Variants in KIAA1328 observed in about 807,000 individuals in gnomAD.
The protein encoded by KIAA1328 is protein hinderin.
A neutral mutation model predicts 68.1 loss-of-function variants in KIAA1328; 52 were observed. The ratio of observed to expected loss-of-function variants is 0.76; its 90% CI spans 0.61 to 0.96. KIAA1328 has a LOEUF of 0.96. Ranked by LOEUF, KIAA1328 falls within the 40% of genes least tolerant of loss-of-function variation. The pLI is 0.00. For synonymous variants in KIAA1328, 232 were observed against 239.4 expected (o/e 0.97, Z 0.28); for missense variants, 641 against 677.6 (o/e 0.95, Z 0.60).
intron 7 of KIAA1328, among the ~76,000 whole-genome samples, chr18:37,080,154 A>G (rs2056901111): frequency 6.6e-6 from 1 of 152,154 alleles, no homozygotes; most frequent in African/African-American, 2.4e-5. Context: ...AAAAATGTAT[A>G]CCATCTGGAA....
intron 6 of KIAA1328, among the ~76,000 whole-genome samples, chr18:36,993,402 G>A (rs2053267110): frequency 1.3e-5 from 2 of 152,136 alleles, no homozygotes; most frequent in African/African-American, 4.8e-5. Flanking sequence ...AACAAAGCAT[G>A]GAAGATCCAA....
At chr18:36,898,884 C>G (rs2048946687) in intron 5 of KIAA1328, among the ~76,000 whole-genome samples, 1 of 151,902 alleles carries the variant, frequency 6.6e-6, no homozygotes, top group African/African-American at 2.4e-5. Context: ...CTTATTAATT[C>G]TAATAGTTGC....
intron 6 of KIAA1328, among the ~76,000 whole-genome samples, chr18:36,969,607 A>G (rs2151311626): frequency 6.6e-6 from 1 of 152,322 alleles, no homozygotes; most frequent in Middle Eastern, 3.4e-3. Context: ...GAATCTCTAC[A>G]CATACCAATA....
At chr18:36,889,440 G>A (rs778286886) in intron 5 of KIAA1328, among the ~76,000 whole-genome samples, 20 of 152,086 alleles carry the variant, frequency 1.3e-4, no homozygotes, top group African/African-American at 1.9e-4. Flanking sequence ...AATGGTGAGC[G>A]GTGGTAAAAA....
At chr18:37,191,826 A>T (rs1291107606) in intron 9 of KIAA1328, among the ~76,000 whole-genome samples, 1 of 152,132 alleles carries the variant, frequency 6.6e-6, no homozygotes, top group African/African-American at 2.4e-5. Context: ...TCTGGGAGCC[A>T]TCTATACTTA....
At chr18:36,841,513 T>A (rs556861006) in intron 3 of KIAA1328, among the ~76,000 whole-genome samples, 1 of 152,036 alleles carries the variant, frequency 6.6e-6, no homozygotes, top group Non-Finnish European at 1.5e-5. Context: ...ATGTGGCCTT[T>A]CCTCATCATG....
At chr18:37,061,979 A>G (rs1484812413) in intron 6 of KIAA1328, among the ~76,000 whole-genome samples, 1 of 152,226 alleles carries the variant, frequency 6.6e-6, no homozygotes, top group Non-Finnish European at 1.5e-5. Flanking sequence ...CATACTAATA[A>G]TAATAATGGG....
chr18:37,173,457 A>G (rs957081789), intron 9 of KIAA1328, among the ~76,000 whole-genome samples: 7 of 152,352 alleles, frequency 4.6e-5, no homozygotes, highest in Middle Eastern at 3.4e-3. Context: ...GTACTAGTTA[A>G]AGGAATACCA....
intron 9 of KIAA1328, among the ~76,000 whole-genome samples, chr18:37,191,748 G>T (rs184260366): frequency 6.6e-6 from 1 of 151,244 alleles, no homozygotes; most frequent in Non-Finnish European, 1.5e-5. Flanking sequence ...AAACGTACAG[G>T]TGTATCAAGA....
At chr18:37,083,233 T>C (rs2057003588) in intron 7 of KIAA1328, among the ~76,000 whole-genome samples, 1 of 152,236 alleles carries the variant, frequency 6.6e-6, no homozygotes, top group Non-Finnish European at 1.5e-5. Flanking sequence ...GCATTTTGCA[T>C]CTACATTTAC....
chr18:37,087,770 C>G (rs776469983), intron 7 of KIAA1328, among the ~76,000 whole-genome samples: 1 of 152,052 alleles, frequency 6.6e-6, no homozygotes, highest in Non-Finnish European at 1.5e-5. Flanking sequence ...GGGATAGAAG[C>G]ATTATTTAAC....
At chr18:36,900,026 A>G (rs991796974) in intron 5 of KIAA1328, among the ~76,000 whole-genome samples, 1 of 151,944 alleles carries the variant, frequency 6.6e-6, no homozygotes, top group Non-Finnish European at 1.5e-5. Flanking sequence ...GATTTCTGTT[A>G]TATTAGACAG....
chr18:37,020,847 C>T (rs2054320822), intron 6 of KIAA1328, among the ~76,000 whole-genome samples: 1 of 152,176 alleles, frequency 6.6e-6, no homozygotes, highest in South Asian at 2.1e-4. Context: ...TCATTCAAAA[C>T]TAAAGCTTCA....
At chr18:36,944,405 C>T (rs1010538591) in intron 5 of KIAA1328, among the ~76,000 whole-genome samples, 1 of 152,158 alleles carries the variant, frequency 6.6e-6, no homozygotes, top group Middle Eastern at 3.4e-3. Flanking sequence ...GGTGAAACCC[C>T]ATCTCTACTA....
At chr18:36,959,650 G>T (rs1355715482) in intron 6 of KIAA1328, among the ~76,000 whole-genome samples, 2 of 152,120 alleles carry the variant, frequency 1.3e-5, no homozygotes, top group Non-Finnish European at 2.9e-5. Flanking sequence ...GAAGCAGTCT[G>T]TGTGGGTCAG....
Position 37,222,726 on chromosome 18 carries a change from A to G in KIAA1328, c.*499A>G, listed in dbSNP as rs1276374024. 1 of 993,164 alleles carries G rather than the reference A, an allele frequency of 1.0e-6. No homozygotes were observed. Among genetic ancestry groups the G allele is most frequent in the Non-Finnish European group, 1.2e-6 (1 of 835,052 alleles). 61.5% of individuals were successfully genotyped at this position (993,164 alleles called of 1,614,324 possible). ...ACTACATTTCTGTAAGTGGTCCTTT[A>G]ATTCTGAAGTTGGAGTTGGTGCCCC... is the stretch of plus-strand genomic sequence containing the variant. On this transcript the variant is annotated 3_prime_UTR_variant, in exon 10 of 10. Coordinates refer to ENST00000280020, the MANE Select transcript of KIAA1328 (RefSeq NM_020776.3).
chr18:37,072,351 T>A (rs1331494268), intron 7 of KIAA1328, among the ~76,000 whole-genome samples: 1 of 151,610 alleles, frequency 6.6e-6, no homozygotes, highest in African/African-American at 2.4e-5. Context: ...TTCTCTCCAC[T>A]GATGTTTTCC....
chr18:37,057,636 C>T (rs1375185073), intron 6 of KIAA1328, among the ~76,000 whole-genome samples: 1 of 151,526 alleles, frequency 6.6e-6, no homozygotes, highest in Non-Finnish European at 1.5e-5. Context: ...GGGGTTTCAC[C>T]GTGTTAGCCA....
intron 9 of KIAA1328, among the ~76,000 whole-genome samples, chr18:37,202,590 G>C (rs1297403372): frequency 6.6e-6 from 1 of 152,166 alleles, no homozygotes; most frequent in Non-Finnish European, 1.5e-5. Flanking sequence ...GAAAGACTTA[G>C]AGTAGCCGTG....
Sources: allele counts gnomAD v4.1 joint callset (sites outside exome capture counted in the v4.1 genomes callset), GRCh38; gene constraint gnomAD v4.1.1; transcripts MANE v1.5; gene names NCBI Gene and HGNC (gene_info 2026-07-23, HGNC 2026-07-21).